The following JADE1 variants were observed in gnomAD, a reference collection of about 807,000 sequenced individuals.
JADE1 encodes the protein jade family PHD finger 1.
Under a neutral mutation model 81.8 loss-of-function variants are expected in JADE1, and 14 were observed. The observed-to-expected ratio is 0.17, with a 90% CI of 0.11 to 0.27. The LOEUF (loss-of-function observed/expected upper bound fraction) is 0.27. JADE1 is among the 10% of genes least tolerant of loss of function. The pLI is 1.00. For synonymous variants in JADE1, 353 were observed against 391.9 expected (o/e 0.90, Z 1.17); for missense variants, 690 against 1,047.9 (o/e 0.66, Z 4.71).
intron 7 of JADE1, among the ~76,000 whole-genome samples, chr4:128,856,439 G>A (rs1399908618): frequency 1.3e-5 from 2 of 152,142 alleles, no homozygotes; most frequent in Non-Finnish European, 2.9e-5. Context: ...CACTTAAACA[G>A]CTGTGGCCTG....
At chr4:128,841,957 G>T (rs1456603410) in intron 2 of JADE1, among the ~76,000 whole-genome samples, 1 of 152,146 alleles carries the variant, frequency 6.6e-6, no homozygotes, top group Non-Finnish European at 1.5e-5. Flanking sequence ...GGGAGACCCT[G>T]TTAGGCAGCA....
At chr4:128,859,396 TGA>T (rs1731099606) in intron 8 of JADE1, among the ~76,000 whole-genome samples, 1 of 152,042 alleles carries the variant, frequency 6.6e-6, no homozygotes, top group African/African-American at 2.4e-5. Flanking sequence ...TATGCATGCG[TGA>T]GTGCGTATGC....
At chr4:128,818,383 A>G (rs1727243592) in intron 1 of JADE1, among the ~76,000 whole-genome samples, 1 of 152,104 alleles carries the variant, frequency 6.6e-6, no homozygotes, top group Admixed American at 6.5e-5. Context: ...AGCCTCCCCA[A>G]GTGGTGGGAT....
rs1732475783 is a variant in JADE1, at chr4:128,875,112, T to C, written c.*2850T>C. ...TCCTGTATTTATTTCTACCCCCTTT[T>C]TGAAAGTATTTATAAAACTAGTTGA... is the stretch of plus-strand genomic sequence containing the variant. On this transcript the variant is annotated 3_prime_UTR_variant, in exon 11 of 11. Transcript: ENST00000226319. 1 of 152,638 alleles carries C rather than the reference T, an allele frequency of 6.6e-6. No homozygotes were observed. Among genetic ancestry groups the C allele is most frequent in the African/African-American group, 2.4e-5 (1 of 41,456 alleles). 9.5% of individuals were successfully genotyped at this position (152,638 alleles called of 1,614,324 possible). A position where few individuals can be genotyped will look rare whatever the true frequency, so the allele number is the denominator to read the frequency against.
At chr4:128,863,706 A>G (rs1219695566) in intron 9 of JADE1, 23 of 985,312 alleles carry the variant, frequency 2.3e-5, no homozygotes, top group Non-Finnish European at 2.8e-5. Context: ...GCCTCTCACA[A>G]CTACATGTAT....
intron 6 of JADE1, among the ~76,000 whole-genome samples, chr4:128,853,025 A>G (rs1314212059): frequency 6.6e-6 from 1 of 151,270 alleles, no homozygotes; most frequent in Admixed American, 6.6e-5. Context: ...CCTCCCGAGT[A>G]GCTGGGACTG....
At chr4:128,857,570 C>T (rs1016289611) in intron 8 of JADE1, 116 bp downstream of exon 8, 58 of 799,208 alleles carry the variant, frequency 7.3e-5, no homozygotes, top group Non-Finnish European at 1.1e-4. Flanking sequence ...ATCCAGGAAG[C>T]AGGACGAGGT....
At chr4:128,845,939 G>A (rs997777198) in intron 3 of JADE1, among the ~76,000 whole-genome samples, 2 of 151,728 alleles carry the variant, frequency 1.3e-5, no homozygotes, top group African/African-American at 4.8e-5. Flanking sequence ...AAAAAAAAAG[G>A]AGATGAGTCC....
chr4:128,824,267 A>AT (rs1727841627), intron 1 of JADE1, among the ~76,000 whole-genome samples: 1 of 151,934 alleles, frequency 6.6e-6, no homozygotes, highest in African/African-American at 2.4e-5. Context: ...AATTACAAAA[A>AT]AATATATATA....
chr4:128,833,489 G>A (rs1265139162), intron 2 of JADE1, among the ~76,000 whole-genome samples: 1 of 152,138 alleles, frequency 6.6e-6, no homozygotes, highest in East Asian at 1.9e-4. Flanking sequence ...TGGATCACAA[G>A]GTCAAGAGAT....
intron 2 of JADE1, among the ~76,000 whole-genome samples, chr4:128,839,061 GA>G (rs1245128812): frequency 6.6e-6 from 1 of 152,146 alleles, no homozygotes; most frequent in Non-Finnish European, 1.5e-5. Context: ...GTTACAGCAT[GA>G]TTGACTGTCC....
chr4:128,817,418 A>G (rs1474492784), intron 1 of JADE1, among the ~76,000 whole-genome samples: 1 of 152,184 alleles, frequency 6.6e-6, no homozygotes, highest in African/African-American at 2.4e-5. Flanking sequence ...GGCATCTTCC[A>G]TGAGAGTTTA....
chr4:128,862,476 A>C (rs1228894807), intron 9 of JADE1: 2 of 1,365,112 alleles, frequency 1.5e-6, no homozygotes, highest in Non-Finnish European at 1.9e-6. Context: ...ATTAATCTTT[A>C]CTGTTTTGTA....
intron 1 of JADE1, among the ~76,000 whole-genome samples, chr4:128,826,041 A>G (rs1375708756): frequency 1.3e-5 from 2 of 152,152 alleles, no homozygotes; most frequent in Non-Finnish European, 2.9e-5. Context: ...TTAACTTCCT[A>G]GGTAGTCTTC....
chr4:128,823,888 A>G (rs1727801652), intron 1 of JADE1, among the ~76,000 whole-genome samples: 1 of 152,332 alleles, frequency 6.6e-6, no homozygotes, highest in South Asian at 2.1e-4. Flanking sequence ...AAACTGAGGT[A>G]AGAAACCAGC....
chr4:128,843,000 A>C lies in JADE1; in HGVS notation c.100A>C (p.Ser34Arg). The change falls in exon 3 of 11, where the codon AGC becomes CGC. Residue 34 changes from serine to arginine, a missense_variant. Ser to Arg is a moderately radical substitution (Grantham distance 110). Transcript: ENST00000226319. ...SQNSRSQHRR[S>R]SCSRHEDRKP... is the part of the protein sequence containing the mutation. ...GAATTCCCGATCCCAGCATAGGAGA[A>C]GCTCCTGCTCCAGACATGAAGATCG... is the stretch of plus-strand genomic sequence containing the variant. The C allele has an allele frequency of 6.2e-7, 1 of 1,614,104 alleles. No homozygotes were observed. The highest frequency in any genetic ancestry group is 8.5e-7 in the Non-Finnish European group (1 of 1,179,942).
At chr4:128,857,313 T>C (rs757586191) in intron 7 of JADE1, 25 bp from the exon 8 acceptor site, 1 of 1,579,918 alleles carries the variant, frequency 6.3e-7, no homozygotes, top group South Asian at 1.1e-5. Context: ...TGAGCCACCC[T>C]GTCTTGCTGT....
chr4:128,812,263 T>G (rs1015282444), intron 1 of JADE1, among the ~76,000 whole-genome samples: 1 of 151,810 alleles, frequency 6.6e-6, no homozygotes, highest in African/African-American at 2.4e-5. Context: ...GGAGTTACTT[T>G]CCCCTCCTCC....
Position 128,846,370 on chromosome 4 carries a change from T to C in JADE1, c.139-5T>C, listed in dbSNP as rs776686028. ...ATGTCAGTGTCCCTTTCTCTTCCTT[T>C]CCAGGTGTTTAGGACAGACCTGATC... On this transcript the variant is annotated splice_polypyrimidine_tract_variant and splice_region_variant and intron_variant, in intron 3 of 10. Transcript: ENST00000226319. The surrounding 1 kb of genome is among the most constrained non-coding windows in gnomAD (Gnocchi z 4.0). 6.2e-7 allele frequency: 1 copy of C among 1,613,598 alleles called. No homozygotes were observed. Among genetic ancestry groups the C allele is most frequent in the Non-Finnish European group, 8.5e-7 (1 of 1,179,624 alleles).
Sources: gnomAD v4.1 joint callset for allele counts (sites outside exome capture counted in the v4.1 genomes callset) on GRCh38, gnomAD v4.1.1 for gene constraint, Gnocchi (gnomAD v3.1) non-coding constraint, MANE v1.5 for transcripts, NCBI Gene and HGNC (gene_info 2026-07-23, HGNC 2026-07-21) for gene names.